ASIC2: variants seen among roughly 807,000 people sequenced by gnomAD.
ASIC2 encodes acid-sensing ion channel 2.
In ASIC2, 25 loss-of-function variants were observed where a neutral mutation model predicts 57.3. That is an observed-to-expected ratio of 0.44 (90% CI 0.32 to 0.61). The LOEUF (loss-of-function observed/expected upper bound fraction) is 0.61, where lower values mean the gene tolerates loss of function less well. Among genes scored for constraint, ASIC2 ranks in the 20% least tolerant of loss-of-function variants. The pLI, the probability that ASIC2 is intolerant of heterozygous loss-of-function variation, is 0.06. For missense variants in ASIC2, 641 were observed against 738.1 expected (o/e 0.87, Z 1.52); for synonymous variants, 319 against 307.5 (o/e 1.04, Z -0.39).
At chr17:33,080,563 C>A (rs569023207) in intron 3 of ASIC2, among the ~76,000 whole-genome samples, 1 of 152,050 alleles carries the variant, frequency 6.6e-6, no homozygotes, top group Non-Finnish European at 1.5e-5. Context: ...TACATACATA[C>A]ATACATACCT....
chr17:33,405,799 A>T (rs1759552127), intron 1 of ASIC2, among the ~76,000 whole-genome samples: 1 of 151,992 alleles, frequency 6.6e-6, no homozygotes. Context: ...CACTCCTTTC[A>T]TATGTAAACT....
At chr17:33,522,354 T>C (rs1032535027) in intron 1 of ASIC2, among the ~76,000 whole-genome samples, 6 of 152,192 alleles carry the variant, frequency 3.9e-5, no homozygotes, top group Non-Finnish European at 7.4e-5. Context: ...AGAAACCGAG[T>C]CTTCCCTGCA....
At position 33,757,691 on chromosome 17, in the gene ASIC2, T is replaced by G. The variant is rs551114135; in HGVS notation, c.555+398287A>C. Among the ~76,000 whole-genome samples the G allele has an allele frequency of 2.6e-5, 4 of 152,294 alleles. No individual in the cohort carries two copies. In the East Asian group the frequency reaches 7.7e-4, roughly 29 times the overall value. ...TACACAAGTAAATGTATCAAAACAC[T>G]CTTCTGTATTCTGCTCTCAGGATCC... On this transcript the variant is annotated intron_variant, in intron 1 of 9. Coordinates refer to the ASIC2 transcript ENST00000359872.
intron 1 of ASIC2, among the ~76,000 whole-genome samples, chr17:33,259,402 G>T (rs1464069587): frequency 6.6e-6 from 1 of 152,136 alleles, no homozygotes; most frequent in African/African-American, 2.4e-5. Context: ...TATTATACAT[G>T]TGTAGATATC....
chr17:33,778,916 T>C (rs1175214348), intron 1 of ASIC2, among the ~76,000 whole-genome samples: 1 of 152,174 alleles, frequency 6.6e-6, no homozygotes, highest in African/African-American at 2.4e-5. Context: ...TTCTAACTTA[T>C]GCTATGTTTA....
At chr17:33,906,926 CT>C (rs1454419889) in intron 1 of ASIC2, among the ~76,000 whole-genome samples, 5 of 152,202 alleles carry the variant, frequency 3.3e-5, no homozygotes, top group Admixed American at 6.5e-5. Flanking sequence ...TGGGACATCA[CT>C]GGCTTTACTG....
intron 1 of ASIC2, among the ~76,000 whole-genome samples, chr17:34,138,938 A>G (rs575145726): frequency 1.3e-5 from 2 of 152,366 alleles, no homozygotes; most frequent in Non-Finnish European, 2.9e-5. Context: ...TCTTGCTTAC[A>G]TAGGAGGAAC....
intron 1 of ASIC2, among the ~76,000 whole-genome samples, chr17:34,101,913 T>C (rs939955127): frequency 1.3e-5 from 2 of 152,168 alleles, no homozygotes; most frequent in Non-Finnish European, 2.9e-5. Context: ...ACCTATGCCA[T>C]CACCATACCC....
At chr17:34,129,386 G>A (rs1350161608) in intron 1 of ASIC2, among the ~76,000 whole-genome samples, 1 of 152,144 alleles carries the variant, frequency 6.6e-6, no homozygotes, top group Non-Finnish European at 1.5e-5. Context: ...CCTGTAAAAT[G>A]TAAGAATTCT....
chr17:33,711,970 G>T (rs1909050371), intron 1 of ASIC2, among the ~76,000 whole-genome samples: 1 of 152,090 alleles, frequency 6.6e-6, no homozygotes, highest in African/African-American at 2.4e-5. Flanking sequence ...GGTGATAAAT[G>T]ACAGCTAATT....
At chr17:33,590,858 C>T (rs778641118) in intron 1 of ASIC2, among the ~76,000 whole-genome samples, 2 of 152,214 alleles carry the variant, frequency 1.3e-5, no homozygotes, top group Non-Finnish European at 2.9e-5. Flanking sequence ...GTAGTCTTCT[C>T]CCTCCAAGAG....
At chr17:33,894,505 A>G (rs998626362) in intron 1 of ASIC2, among the ~76,000 whole-genome samples, 1 of 152,034 alleles carries the variant, frequency 6.6e-6, no homozygotes, top group African/African-American at 2.4e-5. Context: ...TGCCACCACT[A>G]TGAGAGTCAT....
chr17:33,091,647 G>C (rs1027880544), intron 2 of ASIC2, among the ~76,000 whole-genome samples: 2 of 152,202 alleles, frequency 1.3e-5, no homozygotes, highest in Non-Finnish European at 1.5e-5. Flanking sequence ...AACTGGGTTC[G>C]GATTTGGAAG....
chr17:33,208,135 G>T (rs1907138781), intron 1 of ASIC2, among the ~76,000 whole-genome samples: 1 of 152,226 alleles, frequency 6.6e-6, no homozygotes, highest in South Asian at 2.1e-4. Flanking sequence ...GAGGTAAAGG[G>T]AAGGGTGTTG....
intron 1 of ASIC2, among the ~76,000 whole-genome samples, chr17:33,915,955 C>T (rs1380570397): frequency 1.3e-5 from 2 of 152,144 alleles, no homozygotes; most frequent in Non-Finnish European, 2.9e-5. Flanking sequence ...GTGAGGAAAG[C>T]AAAGCTGAAA....
At chr17:33,453,564 A>C (rs1482787560) in intron 1 of ASIC2, among the ~76,000 whole-genome samples, 2 of 152,132 alleles carry the variant, frequency 1.3e-5, no homozygotes, top group African/African-American at 2.4e-5. Context: ...TTACAATTTT[A>C]TATTTTCCCC....
chr17:33,986,691 C>T (rs1374689917), intron 1 of ASIC2, among the ~76,000 whole-genome samples: 1 of 152,054 alleles, frequency 6.6e-6, no homozygotes, highest in Non-Finnish European at 1.5e-5. Context: ...TCACACCATG[C>T]CTTATAAGCA....
chr17:33,104,389 T>C (rs985094166), intron 2 of ASIC2, among the ~76,000 whole-genome samples: 2 of 152,184 alleles, frequency 1.3e-5, no homozygotes, highest in Non-Finnish European at 2.9e-5. Flanking sequence ...TGCTTCAAGT[T>C]GGTCTCTGGG....
At chr17:33,859,478 A>G (rs1198440237) in intron 1 of ASIC2, among the ~76,000 whole-genome samples, 1 of 152,200 alleles carries the variant, frequency 6.6e-6, no homozygotes, top group Non-Finnish European at 1.5e-5. Flanking sequence ...CCCAAGCTCA[A>G]TCAGAGATTA....
Sources: gnomAD v4.1 joint callset for allele counts (sites outside exome capture counted in the v4.1 genomes callset) on GRCh38, gnomAD v4.1.1 for gene constraint, MANE v1.5 for transcripts, NCBI Gene and HGNC (gene_info 2026-07-23, HGNC 2026-07-21) for gene names.